The following PTTG1IP variants were observed in gnomAD, a reference collection of about 807,000 sequenced individuals.
The protein encoded by PTTG1IP is pituitary tumor-transforming gene 1 protein-interacting protein.
A neutral mutation model predicts 24.4 loss-of-function variants in PTTG1IP; 16 were observed. The observed-to-expected ratio is 0.66, with a 90% CI of 0.44 to 1.00. The LOEUF (loss-of-function observed/expected upper bound fraction) is 1.00, where lower values mean the gene tolerates loss of function less well. PTTG1IP is among the 50% of genes least tolerant of loss of function. PTTG1IP has a pLI of 0.00. For missense variants in PTTG1IP, 241 were observed against 245.8 expected (o/e 0.98, Z 0.13); for synonymous variants, 89 against 96.8 (o/e 0.92, Z 0.47).
rs542437719 is a variant in PTTG1IP at position 44,873,498 on chromosome 21, T to G, written c.115+4A>C. ...CGCGGCCCCGCCCGCCCCGGCGCCC[T>G]CACCAGCTCCGGGAGGCTCCTGCGC... is the stretch of plus-strand genomic sequence containing the variant. On this transcript the variant is annotated splice_donor_region_variant and intron_variant, in intron 1 of 5. Coordinates refer to ENST00000330938, the MANE Select transcript of PTTG1IP (RefSeq NM_004339.4). 2 of 1,417,194 alleles carry G rather than the reference T, an allele frequency of 1.4e-6. No homozygotes were observed. Among genetic ancestry groups the G allele is most frequent in the African/African-American group, 3.1e-5 (2 of 65,546 alleles). The allele number at this position is 1,417,194 out of a possible 1,614,324, so 87.8% of individuals were successfully genotyped here.
At chr21:44,872,091 A>C (rs2083591398) in intron 1 of PTTG1IP, among the ~76,000 whole-genome samples, 1 of 152,192 alleles carries the variant, frequency 6.6e-6, no homozygotes, top group South Asian at 2.1e-4. Context: ...AATGCAAGCA[A>C]ACACACCCCC....
At chr21:44,861,345 G>T in intron 2 of PTTG1IP, 74 bp from the exon 3 acceptor site, 2 of 1,244,944 alleles carry the variant, frequency 1.6e-6, no homozygotes, top group Non-Finnish European at 2.3e-6. Flanking sequence ...TCTGCCCACA[G>T]CCCGCCAGTG....
intron 1 of PTTG1IP, among the ~76,000 whole-genome samples, chr21:44,872,469 T>C (rs2248034): frequency 0.19 from 28,866 of 152,178 alleles, 3,408 homozygotes; most frequent in South Asian, 0.3. Flanking sequence ...ACCCTAATTG[T>C]AAGGGTCAGG....
In PTTG1IP at chr21:44,851,415, G is replaced by A. The variant is rs756101716; in HGVS notation, c.*166C>T. On this transcript the variant is annotated 3_prime_UTR_variant, in exon 6 of 6. Coordinates refer to ENST00000330938, the MANE Select transcript of PTTG1IP (RefSeq NM_004339.4). ...ATAGAAGGTCACCAGTCTGCAAGAC[G>A]AGAGGACTGTCCTTCAGGGGCAGCT... 5.1e-6 allele frequency: 8 copies of A among 1,582,204 alleles called. No homozygotes were observed. The highest frequency in any genetic ancestry group is 1.3e-5 in the African/African-American group (1 of 74,152).
chr21:44,864,824 C>T (rs1263476323), intron 2 of PTTG1IP, among the ~76,000 whole-genome samples: 2 of 152,230 alleles, frequency 1.3e-5, no homozygotes, highest in African/African-American at 2.4e-5. Context: ...CGGGCCCCAC[C>T]TCATGCCGTG....
intron 3 of PTTG1IP, among the ~76,000 whole-genome samples, chr21:44,859,088 T>C (rs1362736236): frequency 1.3e-5 from 2 of 152,204 alleles, no homozygotes; most frequent in Non-Finnish European, 2.9e-5. Flanking sequence ...GACCCAGGCG[T>C]CCCTGAGTGG....
chr21:44,851,450 C>G lies in PTTG1IP; in HGVS notation c.*131G>C. 2 of 1,608,206 alleles carry G rather than the reference C, an allele frequency of 1.2e-6. No individual in the cohort carries two copies. The highest frequency in any genetic ancestry group is 1.7e-6 in the Non-Finnish European group (2 of 1,179,268). On this transcript the variant is annotated 3_prime_UTR_variant, in exon 6 of 6. Transcript: ENST00000330938. ...TCCTTCAGGGGCAGCTCTCCGGCCG[C>G]CTGTCCTGGAAGGCTGGCAGGTTCA... is the stretch of plus-strand genomic sequence containing the variant.
intron 2 of PTTG1IP, among the ~76,000 whole-genome samples, chr21:44,864,632 C>T (rs1475295315): frequency 1.3e-5 from 2 of 152,152 alleles, no homozygotes; most frequent in Non-Finnish European, 2.9e-5. Context: ...CTGCTGACCT[C>T]GTGATCCACC....
chr21:44,866,017 G>A (rs551851229), intron 1 of PTTG1IP: 39 of 175,958 alleles, frequency 2.2e-4, no homozygotes, highest in African/African-American at 6.6e-4. Flanking sequence ...GGAGAGGCCC[G>A]GCACACCAGC....
chr21:44,873,134 A>C, intron 1 of PTTG1IP: 1 of 154,612 alleles, frequency 6.5e-6, no homozygotes, highest in East Asian at 1.9e-4. Context: ...CCGGCTCGGG[A>C]TCGAACCCGA....
intron 3 of PTTG1IP, among the ~76,000 whole-genome samples, chr21:44,860,952 T>C (rs907021239): frequency 5.9e-5 from 9 of 152,096 alleles, no homozygotes; most frequent in African/African-American, 1.7e-4. Flanking sequence ...TACAAGTGCA[T>C]GCCACCACGC....
chr21:44,860,095 G>A (rs539935891), intron 3 of PTTG1IP, among the ~76,000 whole-genome samples: 8 of 152,286 alleles, frequency 5.3e-5, no homozygotes, highest in East Asian at 1.9e-4. Flanking sequence ...GGGGCTGGGC[G>A]CAGTGGCTCA....
chr21:44,855,329 G>A lies in PTTG1IP; in HGVS notation c.450-73C>T, dbSNP rs553544090. On this transcript the variant is annotated intron_variant, in intron 4 of 5. Transcript: ENST00000330938. Reference sequence around the variant, plus strand: ...GTGTAACTGCTAGACACGCCCTTCCGTGTCCCTCAGTGGGGGCGCCAGGTT... The same window carrying A: ...GTGTAACTGCTAGACACGCCCTTCCATGTCCCTCAGTGGGGGCGCCAGGTT... 498 of 1,471,406 alleles carry A rather than the reference G, an allele frequency of 3.4e-4. 3 individuals carry two copies. In the South Asian group the frequency reaches 5.3e-3, roughly 16 times the overall value. 91.1% of individuals were successfully genotyped at this position (1,471,406 alleles called of 1,614,324 possible).
intron 1 of PTTG1IP, among the ~76,000 whole-genome samples, chr21:44,866,577 TCCC>T (rs1237642730): frequency 1.9e-4 from 13 of 67,604 alleles, no homozygotes; most frequent in Non-Finnish European, 3.5e-4. Flanking sequence ...GACTGCCTAC[TCCC>T]CCAATCCCAT....
At chr21:44,860,282 T>A (rs916582848) in intron 3 of PTTG1IP, among the ~76,000 whole-genome samples, 2 of 152,108 alleles carry the variant, frequency 1.3e-5, no homozygotes, top group African/African-American at 2.4e-5. Flanking sequence ...GGCAGGAGAA[T>A]GGCGTGAACC....
At chr21:44,867,481 C>T (rs536773789) in intron 1 of PTTG1IP, among the ~76,000 whole-genome samples, 6 of 152,246 alleles carry the variant, frequency 3.9e-5, no homozygotes, top group Admixed American at 2.0e-4. Flanking sequence ...CTGTCTCGGT[C>T]GCGGCTATGT....
intron 2 of PTTG1IP, chr21:44,861,960 A>C: frequency 1.5e-6 from 1 of 665,282 alleles, no homozygotes; most frequent in Non-Finnish European, 2.8e-6. Flanking sequence ...AAGATGATGC[A>C]ACTACGGCTC....
intron 5 of PTTG1IP, among the ~76,000 whole-genome samples, chr21:44,853,283 G>A (rs186088653): frequency 0.015 from 2,300 of 152,260 alleles, 29 homozygotes; most frequent in South Asian, 0.05. Flanking sequence ...CGAGGCGGGC[G>A]GATCACGAGG....
At chr21:44,858,116 G>C (rs576153634) in intron 3 of PTTG1IP, among the ~76,000 whole-genome samples, 2 of 152,328 alleles carry the variant, frequency 1.3e-5, no homozygotes, top group Non-Finnish European at 2.9e-5. Context: ...ACTTGAACTT[G>C]AACCAAAGGA....
Sources: gnomAD v4.1 joint callset for allele counts (sites outside exome capture counted in the v4.1 genomes callset) on GRCh38, gnomAD v4.1.1 for gene constraint, MANE v1.5 for transcripts, NCBI Gene and HGNC (gene_info 2026-07-23, HGNC 2026-07-21) for gene names.